The following PDE3A variants were observed in gnomAD, a reference collection of about 807,000 sequenced individuals.
PDE3A encodes phosphodiesterase 3A.
Under a neutral mutation model 98.3 loss-of-function variants are expected in PDE3A, and 43 were observed. The ratio of observed to expected loss-of-function variants is 0.44; its 90% confidence interval spans 0.34 to 0.56. The LOEUF (loss-of-function observed/expected upper bound fraction) is 0.56. Ranked by LOEUF, PDE3A falls within the 20% of genes least tolerant of loss-of-function variation. The pLI, the probability that PDE3A is intolerant of heterozygous loss-of-function variation, is 0.01. For missense variants in PDE3A, 1,427 were observed against 1,440.7 expected (o/e 0.99, Z 0.15); for synonymous variants, 663 against 567.9 (o/e 1.17, Z -2.38).
chr12:20,403,458 A>G (rs1944171298), intron 1 of PDE3A, among the ~76,000 whole-genome samples: 1 of 152,174 alleles, frequency 6.6e-6, no homozygotes, highest in Non-Finnish European at 1.5e-5. Flanking sequence ...AGTGGGCACT[A>G]GATGGAGGCC....
chr12:20,635,536 C>T (rs1161085206), intron 8 of PDE3A, among the ~76,000 whole-genome samples: 2 of 150,330 alleles, frequency 1.3e-5, no homozygotes, highest in Non-Finnish European at 3.0e-5. Flanking sequence ...CAAGATCGTG[C>T]CATTGCACTC....
intron 1 of PDE3A, among the ~76,000 whole-genome samples, chr12:20,485,145 T>C (rs1275617470): frequency 6.6e-6 from 1 of 152,168 alleles, no homozygotes; most frequent in Non-Finnish European, 1.5e-5. Flanking sequence ...TTCTGGAGGC[T>C]GCAAGTCGAA....
chr12:20,630,332 G>C (rs1333900335), intron 6 of PDE3A, among the ~76,000 whole-genome samples: 1 of 152,136 alleles, frequency 6.6e-6, no homozygotes, highest in African/African-American at 2.4e-5. Context: ...TAGAATCCAT[G>C]CAGTTCATAC....
rs11454612 is a variant in PDE3A, at chr12:20,635,752, C to CAA, written c.2001+714_2001+715dup. ...TGGGCAACAGAGTGCCACTCTATCT[C>CAA]AAAAAAAAAAAAAAAAAAAGAAATT... On this transcript the variant is annotated intron_variant, in intron 8 of 15. Coordinates refer to ENST00000359062, the MANE Select transcript of PDE3A (RefSeq NM_000921.5). Among the ~76,000 whole-genome samples the CAA allele has an allele frequency of 9.2e-3, 770 of 83,892 alleles. 8 individuals carry two copies. Among genetic ancestry groups the CAA allele is most frequent in the African/African-American group, 0.027 (620 of 23,338 alleles). 55.0% of individuals were successfully genotyped at this position (83,892 alleles called of 152,430 possible).
rs1023336818 is a variant in PDE3A at position 20,630,090 on chromosome 12, T to C, written c.1723T>C (p.Ser575Pro). The change falls in exon 6 of 16, where the codon TCC becomes CCC. Residue 575 changes from serine to proline, a missense_variant. Ser to Pro is a moderately conservative substitution (Grantham distance 74, BLOSUM62 -1). Around this residue, in one of 3 missense-constraint regions of PDE3A, gnomAD observed 1,012 missense variants for 886.5 expected, o/e 1.14. Coordinates refer to ENST00000359062, the MANE Select transcript of PDE3A (RefSeq NM_000921.5). Reference sequence around the variant, plus strand: ...TTACACTCAGAGTGCCCCAGACCTATCCCCTCAAATCCTGACTCCACCTGT... The same window carrying C: ...TTACACTCAGAGTGCCCCAGACCTACCCCCTCAAATCCTGACTCCACCTGT... ...LTYTQSAPDL[S>P]PQILTPPVIC... 1 of 1,613,498 alleles carries C rather than the reference T, an allele frequency of 6.2e-7. No individual in the cohort carries two copies. Among genetic ancestry groups the C allele is most frequent in the African/African-American group, 1.3e-5 (1 of 74,964 alleles).
chr12:20,603,697 T>TCAA (rs149247522), intron 2 of PDE3A, among the ~76,000 whole-genome samples: 2 of 152,166 alleles, frequency 1.3e-5, no homozygotes, highest in East Asian at 3.8e-4. Context: ...ACAATCTTTC[T>TCAA]CAACAACAAT....
At chr12:20,466,533 T>A (rs1392507227) in intron 1 of PDE3A, among the ~76,000 whole-genome samples, 1 of 152,180 alleles carries the variant, frequency 6.6e-6, no homozygotes, top group African/African-American at 2.4e-5. Context: ...ATACTTCGAA[T>A]GTGAATGCTT....
chr12:20,452,266 G>T (rs942623405), intron 1 of PDE3A, among the ~76,000 whole-genome samples: 1 of 152,220 alleles, frequency 6.6e-6, no homozygotes, highest in African/African-American at 2.4e-5. Flanking sequence ...TTTAGCACAT[G>T]AAATATAGCA....
Position 20,653,993 on chromosome 12 carries a change from A to G in PDE3A, c.2972A>G (p.Asp991Gly). 6.2e-7 allele frequency: 1 copy of G among 1,614,148 alleles called. No individual in the cohort carries two copies. The highest frequency in any genetic ancestry group is 8.5e-7 in the Non-Finnish European group (1 of 1,180,000). Residue 991 changes from aspartate (D) to glycine (G), a missense_variant, in exon 15 of 16, where the codon GAT becomes GGT. Asp to Gly is a moderately conservative substitution (Grantham distance 94). Transcript: ENST00000359062. The stretch of plus-strand genomic sequence containing the variant: ...GGATTACCCATAAGCCCCTTCATGG[A>G]TCGTTCTGCTCCTCAGCTGGCCAAC... ...SLGLPISPFM[D>G]RSAPQLANLQ...
chr12:20,449,632 A>G, intron 1 of PDE3A: 1 of 401,466 alleles, frequency 2.5e-6, no homozygotes, highest in Admixed American at 3.5e-5. Context: ...CAATTGTGGC[A>G]GATTTTAGTC....
At chr12:20,418,713 G>A (rs148250793) in intron 1 of PDE3A, among the ~76,000 whole-genome samples, 33 of 151,896 alleles carry the variant, frequency 2.2e-4, no homozygotes, top group Non-Finnish European at 3.7e-4. Context: ...AAATAAGAGC[G>A]TAAAATAATA....
At chr12:20,386,017 A>AAATATATATATAAATATATATAT (rs1943758502) in intron 1 of PDE3A, among the ~76,000 whole-genome samples, 2 of 82,408 alleles carry the variant, frequency 2.4e-5, no homozygotes, top group Non-Finnish European at 4.6e-5. Flanking sequence ...AATATATATA[A>AAATATATATATAAATATATATAT]AATATATATA....
intron 1 of PDE3A, among the ~76,000 whole-genome samples, chr12:20,380,020 A>C (rs950769670): frequency 1.3e-5 from 2 of 151,840 alleles, no homozygotes; most frequent in African/African-American, 4.8e-5. Flanking sequence ...TGTTTTTCAC[A>C]TTCAACTAAT....
chr12:20,571,031 A>G (rs1403590405), intron 2 of PDE3A, among the ~76,000 whole-genome samples: 3 of 152,180 alleles, frequency 2.0e-5, no homozygotes, highest in Admixed American at 6.6e-5. Context: ...ACAAGTGTTC[A>G]TGTTATGATA....
chr12:20,584,701 C>T (rs1943150060), intron 2 of PDE3A, among the ~76,000 whole-genome samples: 1 of 152,114 alleles, frequency 6.6e-6, no homozygotes, highest in Non-Finnish European at 1.5e-5. Flanking sequence ...TTTATTTTGA[C>T]CCAAGCTCAG....
At chr12:20,551,937 C>G in intron 1 of PDE3A, 1 of 1,613,206 alleles carries the variant, frequency 6.2e-7, no homozygotes, top group Non-Finnish European at 8.5e-7. Context: ...GAGTCCAGGT[C>G]AGCGAGTCGG....
At chr12:20,373,024 C>T (rs927033508) in intron 1 of PDE3A, among the ~76,000 whole-genome samples, 2 of 152,072 alleles carry the variant, frequency 1.3e-5, no homozygotes, top group Admixed American at 1.3e-4. Context: ...TTGACAGATA[C>T]ATTTTTCTCT....
Position 20,535,657 on chromosome 12 carries a change from T to G in PDE3A, c.961-21003T>G, listed in dbSNP as rs189609853. On this transcript the variant is annotated intron_variant, in intron 1 of 15. Transcript: ENST00000359062. ...ATGTTTTGTGTGCTTACATTTTGTT[T>G]TGATATGCTTACATATTTTTCTTCC... Among the ~76,000 whole-genome samples, 363 of 152,296 alleles carry G rather than the reference T, an allele frequency of 2.4e-3. 1 individual carries two copies. Among genetic ancestry groups the G allele is most frequent in the African/African-American group, 8.6e-3 (356 of 41,568 alleles).
chr12:20,674,267 A>G (rs1177180683), intron 15 of PDE3A, among the ~76,000 whole-genome samples: 1 of 152,128 alleles, frequency 6.6e-6, no homozygotes, highest in East Asian at 1.9e-4. Context: ...ACAAAGAGGG[A>G]CAATTTGACT....
Sources: allele counts gnomAD v4.1 joint callset (sites outside exome capture counted in the v4.1 genomes callset), GRCh38; gene constraint gnomAD v4.1.1; regional missense constraint gnomAD v4.1.1; transcripts MANE v1.5; gene names NCBI Gene and HGNC (gene_info 2026-07-23, HGNC 2026-07-21).